The following HECTD4 variants were observed in gnomAD, a reference collection of about 807,000 sequenced individuals.
The protein encoded by HECTD4 is HECT domain E3 ubiquitin protein ligase 4.
A neutral mutation model predicts 471.5 loss-of-function variants in HECTD4; 114 were observed. The ratio of observed to expected loss-of-function variants is 0.24; its 90% confidence interval spans 0.21 to 0.28. The LOEUF is 0.28. Ranked by LOEUF, HECTD4 falls within the 10% of genes least tolerant of loss-of-function variation. The probability of loss-of-function intolerance (pLI) is 1.00; values close to 1 mark genes in which losing one functional copy is unlikely to be tolerated. For synonymous variants in HECTD4, 2,012 were observed against 2,256.0 expected (o/e 0.89, Z 3.07); for missense variants, 3,866 against 5,651.5 (o/e 0.68, Z 10.13).
At chr12:112,203,531 G>T in intron 54 of HECTD4, 105 bp downstream of exon 54, 1 of 949,574 alleles carries the variant, frequency 1.1e-6, no homozygotes. Context: ...CTGATTTGAA[G>T]AGAAACTCAT....
chr12:112,274,114 C>G (rs546151124), intron 10 of HECTD4, among the ~76,000 whole-genome samples: 9 of 152,264 alleles, frequency 5.9e-5, no homozygotes, highest in Non-Finnish European at 1.3e-4. Context: ...ATAATAGGAC[C>G]AATTAACATT....
At chr12:112,368,891 A>T (rs1408076760) in intron 1 of HECTD4, among the ~76,000 whole-genome samples, 1 of 152,184 alleles carries the variant, frequency 6.6e-6, no homozygotes, top group East Asian at 1.9e-4. Context: ...ATGTGGAATC[A>T]CTCATGTTAT....
chr12:112,177,481 G>A (rs1027948882), intron 64 of HECTD4, among the ~76,000 whole-genome samples: 8 of 149,876 alleles, frequency 5.3e-5, no homozygotes, highest in Admixed American at 2.0e-4. Flanking sequence ...CCGGGCTCAC[G>A]CCATTCTCCT....
chr12:112,182,429 C>G (rs553135851), intron 62 of HECTD4, among the ~76,000 whole-genome samples: 1 of 146,878 alleles, frequency 6.8e-6, no homozygotes, highest in African/African-American at 2.5e-5. Flanking sequence ...ATTTGCTCCA[C>G]AAAAGAGCCA....
intron 1 of HECTD4, among the ~76,000 whole-genome samples, chr12:112,333,314 C>G (rs1227435587): frequency 1.3e-5 from 2 of 152,212 alleles, no homozygotes; most frequent in Non-Finnish European, 2.9e-5. Flanking sequence ...TACATTCCCA[C>G]TAGCAACACA....
Position 112,192,567 on chromosome 12 carries a change from G to C in HECTD4, c.9285C>G (p.Ile3095Met), listed in dbSNP as rs533897080. Residue 3095 changes from isoleucine (I) to methionine (M), a missense_variant, in exon 59 of 76, where the codon ATC becomes ATG. By Grantham distance (10) the Ile-to-Met change is conservative. Transcript: ENST00000682272. The stretch of plus-strand genomic sequence containing the variant: ...AAGCTGCTGGAGACTCACCCAGTTT[G>C]ATGTGGACCCTGTCTGTGGAGAGGA... ...SVVLSTDRVH[I>M]KLGVSPPPGA... The C allele has an allele frequency of 1.0e-5, 16 of 1,572,940 alleles. No individual in the cohort carries two copies. The highest frequency in any genetic ancestry group is 6.7e-5 in the African/African-American group (5 of 74,368).
At chr12:112,196,798 CTT>C (rs886637660) in intron 55 of HECTD4, among the ~76,000 whole-genome samples, 28 of 151,660 alleles carry the variant, frequency 1.8e-4, no homozygotes, top group Admixed American at 1.8e-3. Context: ...CTCTCTCTCT[CTT>C]TTTTTTGTTT....
chr12:112,252,573 T>G, intron 22 of HECTD4, 45 bp from the exon 23 acceptor site: 1 of 1,582,882 alleles, frequency 6.3e-7, no homozygotes, highest in Non-Finnish European at 8.6e-7. Flanking sequence ...AAAAACAAGA[T>G]ACACAATTTC....
intron 4 of HECTD4, among the ~76,000 whole-genome samples, chr12:112,312,397 G>A (rs1310374809): frequency 6.6e-6 from 1 of 152,156 alleles, no homozygotes; most frequent in Non-Finnish European, 1.5e-5. Flanking sequence ...AGTGGGCCAC[G>A]GCAGGGCAGC....
chr12:112,371,653 A>G (rs546900101), intron 1 of HECTD4, among the ~76,000 whole-genome samples: 47 of 151,806 alleles, frequency 3.1e-4, no homozygotes, highest in African/African-American at 1.1e-3. Flanking sequence ...TTGGGAGGCC[A>G]AGGCAAGCGA....
At chr12:112,215,334 T>C (rs1356097353) in intron 48 of HECTD4, among the ~76,000 whole-genome samples, 1 of 152,340 alleles carries the variant, frequency 6.6e-6, no homozygotes, top group African/African-American at 2.4e-5. Context: ...GATTGTTTAC[T>C]ATGTATCTCA....
intron 67 of HECTD4, among the ~76,000 whole-genome samples, chr12:112,172,383 C>T (rs1217328994): frequency 6.6e-6 from 1 of 152,262 alleles, no homozygotes; most frequent in Non-Finnish European, 1.5e-5. Flanking sequence ...GGCCTCCAGG[C>T]AGCGGCCTGG....
At chr12:112,249,720 C>T (rs2033836488) in intron 25 of HECTD4, 2 of 183,504 alleles carry the variant, frequency 1.1e-5, no homozygotes, top group Admixed American at 1.1e-4. Flanking sequence ...TTTCTCTAGG[C>T]ATCAAAAATA....
At position 112,228,835 on chromosome 12, in the gene HECTD4, C is replaced by T. The variant is rs1025754018; in HGVS notation, c.6520-24G>A. ...ACCTGGAGACAGACATAGATTAGCA[C>T]TACCAACCAGCTCTGACGTGTGGGC... On this transcript the variant is annotated intron_variant, in intron 41 of 75. Coordinates refer to ENST00000682272, the MANE Select transcript of HECTD4 (RefSeq NM_001388303.1). This position sits in a 1 kb window ranked among gnomAD's most constrained non-coding sequence, Gnocchi z 4.9. 4 of 1,609,894 alleles carry T rather than the reference C, an allele frequency of 2.5e-6. No individual in the cohort carries two copies. The highest frequency in any genetic ancestry group is 3.4e-6 in the Non-Finnish European group (4 of 1,178,448).
chr12:112,323,384 T>C (rs2035623891), intron 1 of HECTD4, among the ~76,000 whole-genome samples: 1 of 152,196 alleles, frequency 6.6e-6, no homozygotes. Flanking sequence ...AGTTAACTAA[T>C]ATGAAAAATA....
chr12:112,214,818 T>C (rs2032868102), intron 48 of HECTD4, among the ~76,000 whole-genome samples: 3 of 152,126 alleles, frequency 2.0e-5, no homozygotes, highest in African/African-American at 7.2e-5. Context: ...TGCCCTGAAA[T>C]GATTTCCAAG....
At chr12:112,204,367 C>T in intron 53 of HECTD4, 119 bp downstream of exon 53, 1 of 997,630 alleles carries the variant, frequency 1.0e-6, no homozygotes, top group Non-Finnish European at 1.5e-6. Flanking sequence ...AGAGGTTAGC[C>T]CAGTCGGAGT....
chr12:112,258,943 C>T, intron 19 of HECTD4, 169 bp downstream of exon 19: 1 of 642,196 alleles, frequency 1.6e-6, no homozygotes, highest in Non-Finnish European at 2.6e-6. Flanking sequence ...AAAATGTTTT[C>T]CCTTATTATT....
rs2033588128 is a variant in HECTD4, at chr12:112,239,435, G to C, written c.5106-199C>G. Among the ~76,000 whole-genome samples the C allele has an allele frequency of 6.6e-6, 1 of 152,122 alleles. No individual in the cohort carries two copies. The highest frequency in any genetic ancestry group is 1.5e-5 in the Non-Finnish European group (1 of 68,036). ...TCATTAACAAGGAACTTCAAATTCTGGTTTGTTTATATACAGCAAAAATCG... is the reference window on the plus strand; with the variant it reads ...TCATTAACAAGGAACTTCAAATTCTCGTTTGTTTATATACAGCAAAAATCG... On this transcript the variant is annotated intron_variant, in intron 33 of 75. Transcript: ENST00000682272. This position sits in a 1 kb window ranked among gnomAD's most constrained non-coding sequence, Gnocchi z 4.9.
Sources: allele counts gnomAD v4.1 joint callset (sites outside exome capture counted in the v4.1 genomes callset), GRCh38; gene constraint gnomAD v4.1.1; non-coding constraint Gnocchi (gnomAD v3.1); transcripts MANE v1.5; gene names NCBI Gene and HGNC (gene_info 2026-07-23, HGNC 2026-07-21).